NXPH1: variants seen among roughly 807,000 people sequenced by gnomAD.
NXPH1 encodes neurexophilin 1, also known as neurexophilin-1.
NXPH1 carries 5 observed loss-of-function variants against 23.7 expected under a neutral mutation model. That is an observed-to-expected ratio of 0.21 (90% CI 0.11 to 0.44). The LOEUF (loss-of-function observed/expected upper bound fraction) is 0.44. Ranked by LOEUF, NXPH1 falls within the 20% of genes least tolerant of loss-of-function variation. The pLI is 0.99. For synonymous variants in NXPH1, 144 were observed against 122.2 expected (o/e 1.18, Z -1.18); for missense variants, 324 against 321.6 (o/e 1.01, Z -0.06).
At chr7:8,497,374 C>A (rs1175057983) in intron 2 of NXPH1, among the ~76,000 whole-genome samples, 1 of 152,110 alleles carries the variant, frequency 6.6e-6, no homozygotes, top group East Asian at 1.9e-4. Flanking sequence ...TGGGTATATA[C>A]CCAGTAATGG....
At chr7:8,592,971 G>A (rs1050559277) in intron 2 of NXPH1, among the ~76,000 whole-genome samples, 1 of 151,744 alleles carries the variant, frequency 6.6e-6, no homozygotes, top group African/African-American at 2.4e-5. Flanking sequence ...CATTGTCCCC[G>A]TTTTACCAAC....
chr7:8,543,686 T>C (rs1286364398), intron 2 of NXPH1, among the ~76,000 whole-genome samples: 1 of 151,660 alleles, frequency 6.6e-6, no homozygotes, highest in African/African-American at 2.4e-5. Flanking sequence ...GCACAGTATC[T>C]AATCCTTCTT....
At chr7:8,730,420 A>C (rs1436996470) in intron 2 of NXPH1, among the ~76,000 whole-genome samples, 14 of 151,388 alleles carry the variant, frequency 9.2e-5, no homozygotes, top group Admixed American at 6.6e-4. Context: ...TAGTTGATGC[A>C]GTTTCTTCCT....
At chr7:8,487,178 C>G (rs1051765883) in intron 2 of NXPH1, among the ~76,000 whole-genome samples, 1 of 151,916 alleles carries the variant, frequency 6.6e-6, no homozygotes, top group African/African-American at 2.4e-5. Context: ...GTTATCAGTT[C>G]ACTGGTTTGT....
intron 2 of NXPH1, among the ~76,000 whole-genome samples, chr7:8,707,746 G>T (rs188563550): frequency 1.3e-5 from 2 of 152,220 alleles, no homozygotes; most frequent in Non-Finnish European, 2.9e-5. Context: ...CCTTGAGAAA[G>T]TCACTTAACC....
chr7:8,465,358 G>A (rs1816768812), intron 2 of NXPH1, among the ~76,000 whole-genome samples: 2 of 152,092 alleles, frequency 1.3e-5, no homozygotes, highest in Non-Finnish European at 2.9e-5. Context: ...CTATGCTCAG[G>A]TGACATTGGG....
chr7:8,437,582 T>A (rs1202493350), intron 2 of NXPH1, among the ~76,000 whole-genome samples: 1 of 152,224 alleles, frequency 6.6e-6, no homozygotes, highest in Non-Finnish European at 1.5e-5. Context: ...ATTTCGATAG[T>A]CTGGAAAATA....
chr7:8,695,656 A>C (rs909264404), intron 2 of NXPH1, among the ~76,000 whole-genome samples: 1 of 152,200 alleles, frequency 6.6e-6, no homozygotes, highest in Non-Finnish European at 1.5e-5. Flanking sequence ...TGGTCTTCCA[A>C]CTTAACTTCT....
intron 2 of NXPH1, among the ~76,000 whole-genome samples, chr7:8,520,557 C>A (rs1003697392): frequency 6.6e-6 from 1 of 152,128 alleles, no homozygotes; most frequent in Non-Finnish European, 1.5e-5. Context: ...CATTTCCCCC[C>A]AAAGCTGTCA....
At chr7:8,544,729 T>G (rs1282907909) in intron 2 of NXPH1, among the ~76,000 whole-genome samples, 1 of 151,686 alleles carries the variant, frequency 6.6e-6, no homozygotes, top group African/African-American at 2.4e-5. Flanking sequence ...GAGCATTATG[T>G]TATGGTATAA....
chr7:8,500,627 T>C (rs528696058), intron 2 of NXPH1, among the ~76,000 whole-genome samples: 1 of 152,110 alleles, frequency 6.6e-6, no homozygotes, highest in African/African-American at 2.4e-5. Flanking sequence ...TCTAGACTGC[T>C]CAGGGTTTGC....
intron 2 of NXPH1, among the ~76,000 whole-genome samples, chr7:8,668,162 T>C (rs1197717559): frequency 1.3e-5 from 2 of 152,110 alleles, no homozygotes; most frequent in South Asian, 2.1e-4. Context: ...AAAATAATTA[T>C]TTTGAATTAT....
At chr7:8,444,347 C>T (rs549118166) in intron 2 of NXPH1, among the ~76,000 whole-genome samples, 1 of 152,304 alleles carries the variant, frequency 6.6e-6, no homozygotes, top group Non-Finnish European at 1.5e-5. Flanking sequence ...CGCAACGCCT[C>T]GGAGGTATTC....
At chr7:8,611,501 A>C (rs914559701) in intron 2 of NXPH1, among the ~76,000 whole-genome samples, 13 of 152,314 alleles carry the variant, frequency 8.5e-5, no homozygotes, top group African/African-American at 2.6e-4. Flanking sequence ...ATTGTTGATC[A>C]CTATCAGTAG....
intron 2 of NXPH1, among the ~76,000 whole-genome samples, chr7:8,482,639 G>T (rs1817093601): frequency 6.6e-6 from 1 of 152,142 alleles, no homozygotes; most frequent in Non-Finnish European, 1.5e-5. Context: ...TCTCCCTCCT[G>T]TACAAAAGGC....
intron 2 of NXPH1, among the ~76,000 whole-genome samples, chr7:8,559,635 A>G (rs756899645): frequency 6.6e-6 from 1 of 151,700 alleles, no homozygotes; most frequent in Non-Finnish European, 1.5e-5. Context: ...AGATGCCACT[A>G]GTCCATTCAG....
chr7:8,737,618 G>C (rs1225220827), intron 2 of NXPH1, among the ~76,000 whole-genome samples: 1 of 152,098 alleles, frequency 6.6e-6, no homozygotes, highest in African/African-American at 2.4e-5. Context: ...TCTTGGGATG[G>C]CTCTTCTTGA....
chr7:8,549,373 A>T (rs2128619434), intron 2 of NXPH1, among the ~76,000 whole-genome samples: 1 of 151,708 alleles, frequency 6.6e-6, no homozygotes, highest in Admixed American at 6.6e-5. Flanking sequence ...GACAGATATT[A>T]ACACATGCAC....
At chr7:8,547,713 C>T (rs1170424046) in intron 2 of NXPH1, among the ~76,000 whole-genome samples, 1 of 151,412 alleles carries the variant, frequency 6.6e-6, no homozygotes, top group African/African-American at 2.4e-5. Flanking sequence ...CAAGTATACT[C>T]ATTGTTTAGT....
Sources: gnomAD v4.1 joint callset for allele counts (sites outside exome capture counted in the v4.1 genomes callset) on GRCh38, gnomAD v4.1.1 for gene constraint, MANE v1.5 for transcripts, NCBI Gene and HGNC (gene_info 2026-07-23, HGNC 2026-07-21) for gene names.